Variants in RORA observed in about 807,000 individuals in gnomAD.
RORA encodes the protein RAR related orphan receptor A.
In RORA, 7 loss-of-function variants were observed where a neutral mutation model predicts 69.5. The ratio of observed to expected loss-of-function variants is 0.10; its 90% CI spans 0.06 to 0.19. The LOEUF is 0.19. Ranked by LOEUF, RORA falls within the 10% of genes least tolerant of loss-of-function variation. The pLI, the probability that RORA is intolerant of heterozygous loss-of-function variation, is 1.00. For missense variants in RORA, 457 were observed against 663.0 expected (o/e 0.69, Z 3.41); for synonymous variants, 261 against 240.8 (o/e 1.08, Z -0.78).
intron 1 of RORA, among the ~76,000 whole-genome samples, chr15:60,729,139 T>G (rs1219712377): frequency 6.6e-6 from 1 of 152,204 alleles, no homozygotes; most frequent in Non-Finnish European, 1.5e-5. Flanking sequence ...TCCCTTGCTT[T>G]GAGAAGGCAG....
intron 1 of RORA, among the ~76,000 whole-genome samples, chr15:61,124,142 T>TAAGAGGTAGGA (rs1232754006): frequency 6.6e-6 from 1 of 152,226 alleles, no homozygotes; most frequent in East Asian, 1.9e-4. Flanking sequence ...GTCAGCCTCC[T>TAAGAGGTAGGA]ACCTCTTAGC....
intron 1 of RORA, among the ~76,000 whole-genome samples, chr15:61,050,769 T>C (rs1897254182): frequency 1.3e-5 from 2 of 152,216 alleles, no homozygotes; most frequent in East Asian, 1.9e-4. Flanking sequence ...ACCATCCCAG[T>C]TGCTTTCCAT....
In RORA at chr15:60,493,955, A is replaced by T. The variant is rs2065103169; in HGVS notation, c.*3500T>A. On this transcript the variant is annotated 3_prime_UTR_variant, in exon 11 of 11. Coordinates refer to ENST00000335670, the MANE Select transcript of RORA (RefSeq NM_134261.3). ...CACATCATACACATGCAAATCACAC[A>T]CACACACACACACACACACACACAC... is the stretch of plus-strand genomic sequence containing the variant. The T allele has an allele frequency of 1.5e-5, 1 of 67,314 alleles. No homozygotes were observed. Among genetic ancestry groups the T allele is most frequent in the Non-Finnish European group, 3.4e-5 (1 of 29,450 alleles). The allele number at this position is 67,314 out of a possible 1,614,324, so 4.2% of individuals were successfully genotyped here. A position where few individuals can be genotyped will look rare whatever the true frequency, so the allele number is the denominator to read the frequency against.
intron 1 of RORA, among the ~76,000 whole-genome samples, chr15:60,801,138 A>C (rs2072575184): frequency 6.6e-6 from 1 of 152,252 alleles, no homozygotes; most frequent in Admixed American, 6.5e-5. Flanking sequence ...AACAGCCCTT[A>C]CTTGGCGCAG....
intron 1 of RORA, among the ~76,000 whole-genome samples, chr15:60,955,522 T>C (rs1202082634): frequency 6.6e-6 from 1 of 152,246 alleles, no homozygotes; most frequent in East Asian, 1.9e-4. Flanking sequence ...ATTGACTTCA[T>C]GTCTTTAAAA....
chr15:60,597,575 C>CAT lies in RORA; in HGVS notation c.197-65725_197-65724insAT, dbSNP rs1341839143. Among the ~76,000 whole-genome samples, 3 of 29,504 alleles carry CAT rather than the reference C, an allele frequency of 1.0e-4. 1 individual carries two copies. The highest frequency in any genetic ancestry group is 4.6e-4 in the African/African-American group (3 of 6,504). 19.4% of individuals were successfully genotyped at this position (29,504 alleles called of 152,430 possible). A position where few individuals can be genotyped will look rare whatever the true frequency, so the allele number is the denominator to read the frequency against. ...ACATATATATATATATATATATATACACATATATATATATATATACACATA... is the reference window on the plus strand; with the variant it reads ...ACATATATATATATATATATATATACATACATATATATATATATATACACATA... On this transcript the variant is annotated intron_variant, in intron 2 of 10. Coordinates refer to ENST00000335670, the MANE Select transcript of RORA (RefSeq NM_134261.3).
intron 2 of RORA, among the ~76,000 whole-genome samples, chr15:60,539,754 T>C (rs2066800804): frequency 6.6e-6 from 1 of 152,208 alleles, no homozygotes; most frequent in Non-Finnish European, 1.5e-5. Flanking sequence ...TCCTCTCTTT[T>C]GCCTTTGTAA....
At chr15:60,982,609 C>T (rs1894077663) in intron 1 of RORA, among the ~76,000 whole-genome samples, 1 of 152,216 alleles carries the variant, frequency 6.6e-6, no homozygotes, top group African/African-American at 2.4e-5. Context: ...AAGGTCCATT[C>T]TGCTCCCTCA....
At chr15:60,567,305 T>C (rs2067742285) in intron 2 of RORA, among the ~76,000 whole-genome samples, 1 of 151,950 alleles carries the variant, frequency 6.6e-6, no homozygotes, top group Non-Finnish European at 1.5e-5. Flanking sequence ...AAGTGCCTCC[T>C]CTACCTGCCA....
chr15:61,111,799 A>C (rs1325448560), intron 1 of RORA, among the ~76,000 whole-genome samples: 3 of 152,258 alleles, frequency 2.0e-5, no homozygotes, highest in Non-Finnish European at 4.4e-5. Context: ...AAAGATAAAA[A>C]AATTATAATC....
chr15:60,957,787 A>G lies in RORA; in HGVS notation c.166+271266T>C, dbSNP rs925819606. 8.5e-5 allele frequency among the ~76,000 whole-genome samples: 13 copies of G among 152,274 alleles called. No homozygotes were observed. In the Middle Eastern group the frequency reaches 0.01, roughly 120 times the overall value. On this transcript the variant is annotated intron_variant, in intron 1 of 10. Transcript: ENST00000335670. ...ACATAAAGAAGATAGAGACTGTTCT[A>G]AAAGAGTTAATTATCCTAGTGAACT...
chr15:60,782,552 A>C (rs540162539), intron 1 of RORA, among the ~76,000 whole-genome samples: 14 of 152,236 alleles, frequency 9.2e-5, no homozygotes, highest in African/African-American at 3.4e-4. Context: ...TTTAACTGCA[A>C]AGGCGGTCAT....
chr15:60,742,444 C>A (rs1275827434), intron 1 of RORA, among the ~76,000 whole-genome samples: 1 of 152,162 alleles, frequency 6.6e-6, no homozygotes, highest in Non-Finnish European at 1.5e-5. Flanking sequence ...ATGGCAAAAT[C>A]ACAGCAAGCT....
chr15:61,193,354 G>A (rs2079818304), intron 1 of RORA, among the ~76,000 whole-genome samples: 1 of 152,202 alleles, frequency 6.6e-6, no homozygotes, highest in African/African-American at 2.4e-5. Context: ...AAGTTATACT[G>A]CTGCAGGGTG....
chr15:61,100,792 C>T (rs1004316916), intron 1 of RORA, among the ~76,000 whole-genome samples: 1 of 152,218 alleles, frequency 6.6e-6, no homozygotes, highest in Non-Finnish European at 1.5e-5. Context: ...ACACTCCTTA[C>T]AGTTTAGGCT....
At chr15:61,124,164 C>A (rs543909302) in intron 1 of RORA, among the ~76,000 whole-genome samples, 1 of 152,188 alleles carries the variant, frequency 6.6e-6, no homozygotes, top group African/African-American at 2.4e-5. Flanking sequence ...CATTATGCAG[C>A]CTGGCACCCC....
intron 2 of RORA, among the ~76,000 whole-genome samples, chr15:60,592,000 G>A (rs906837835): frequency 6.6e-6 from 1 of 151,924 alleles, no homozygotes; most frequent in Admixed American, 6.6e-5. Context: ...TGCGGGCCCT[G>A]GGGACCGGCC....
intron 1 of RORA, among the ~76,000 whole-genome samples, chr15:60,944,129 C>T (rs763852832): frequency 3.9e-5 from 6 of 151,924 alleles, no homozygotes; most frequent in Admixed American, 6.5e-5. Flanking sequence ...TTGTATAAAC[C>T]GAAGAACAGT....
chr15:61,142,937 T>G (rs1224924827), intron 1 of RORA, among the ~76,000 whole-genome samples: 1 of 152,176 alleles, frequency 6.6e-6, no homozygotes, highest in Non-Finnish European at 1.5e-5. Context: ...CTAAGAGGCA[T>G]TCCTATTAAG....
Sources: gnomAD v4.1 joint callset for allele counts (sites outside exome capture counted in the v4.1 genomes callset) on GRCh38, gnomAD v4.1.1 for gene constraint, MANE v1.5 for transcripts, NCBI Gene and HGNC (gene_info 2026-07-23, HGNC 2026-07-21) for gene names.